The following CFAP77 variants were observed in gnomAD, a reference collection of about 807,000 sequenced individuals.
The protein encoded by CFAP77 is cilia- and flagella-associated protein 77.
A neutral mutation model predicts 31.1 loss-of-function variants in CFAP77; 25 were observed. The ratio of observed to expected loss-of-function variants is 0.80; its 90% CI spans 0.59 to 1.12. The LOEUF (loss-of-function observed/expected upper bound fraction) is 1.12, where lower values mean the gene tolerates loss of function less well. Among genes scored for constraint, CFAP77 ranks in the 50% most tolerant of loss-of-function variants. The probability of loss-of-function intolerance (pLI) is 0.00; values close to 1 mark genes in which losing one functional copy is unlikely to be tolerated. For missense variants in CFAP77, 377 were observed against 397.3 expected (o/e 0.95, Z 0.44); for synonymous variants, 151 against 159.9 (o/e 0.94, Z 0.42).
rs754322592 is a variant in CFAP77 at position 132,531,946 on chromosome 9, T to A, written c.525-5655T>A. 7.3e-4 allele frequency among the ~76,000 whole-genome samples: 111 copies of A among 152,310 alleles called. 1 individual carries two copies. The highest frequency in any genetic ancestry group is 1.6e-3 in the Admixed American group (24 of 15,298). On this transcript the variant is annotated intron_variant, in intron 3 of 5. Transcript: ENST00000393216. ...TGGTGGCGATGGATGTACCGGGGAC[T>A]GCTGAGAAGAGAGCTTTTCTGTTGT...
chr9:132,430,949 A>G (rs1460302566), intron 1 of CFAP77, among the ~76,000 whole-genome samples: 2 of 152,242 alleles, frequency 1.3e-5, no homozygotes, highest in Non-Finnish European at 2.9e-5. Context: ...AGGCCAGGCT[A>G]TAGTCAGTGC....
At chr9:132,519,620 T>G (rs910746554) in intron 3 of CFAP77, among the ~76,000 whole-genome samples, 681 of 24,540 alleles carry the variant, frequency 0.028, 7 homozygotes, top group African/African-American at 0.074. Flanking sequence ...GGATGGATGG[T>G]TGGGTGGGTA....
intron 3 of CFAP77, among the ~76,000 whole-genome samples, chr9:132,518,764 G>A (rs538223283): frequency 6.6e-6 from 1 of 152,320 alleles, no homozygotes; most frequent in Non-Finnish European, 1.5e-5. Context: ...AAGCCTCAGA[G>A]GAGATGTCCC....
At chr9:132,512,208 A>G (rs1764628018) in intron 3 of CFAP77, among the ~76,000 whole-genome samples, 1 of 152,076 alleles carries the variant, frequency 6.6e-6, no homozygotes, top group South Asian at 2.1e-4. Context: ...GTTCCTTGGC[A>G]TCCCTTCAGC....
intron 1 of CFAP77, among the ~76,000 whole-genome samples, chr9:132,491,152 G>A (rs77065891): frequency 0.019 from 2,835 of 152,192 alleles, 38 homozygotes; most frequent in Non-Finnish European, 0.028. Context: ...ATGAATGAAC[G>A]AATGAGTACA....
intron 5 of CFAP77, among the ~76,000 whole-genome samples, chr9:132,556,219 C>T (rs1055373233): frequency 6.6e-6 from 1 of 152,156 alleles, no homozygotes; most frequent in Non-Finnish European, 1.5e-5. Flanking sequence ...GGGCCTCCGT[C>T]GACACAGTCC....
At position 132,459,605 on chromosome 9, in the gene CFAP77, ATATG is replaced by A. The variant is rs555205588; in HGVS notation, c.196-39088_196-39085del. Among the ~76,000 whole-genome samples, 25 of 146,054 alleles carry A rather than the reference ATATG, an allele frequency of 1.7e-4. 1 individual carries two copies. The South Asian group carries it at 4.8e-3, about 28-fold the overall frequency. On this transcript the variant is annotated intron_variant, in intron 1 of 5. Coordinates refer to ENST00000393216, the MANE Select transcript of CFAP77 (RefSeq NM_001282957.2). ...TGTGTATGTATATATATATGCCTGTATATGTGTGTGTATGTATATGTGTGTATAC... is the reference window on the plus strand; with the variant it reads ...TGTGTATGTATATATATATGCCTGTATGTGTGTATGTATATGTGTGTATAC...
intron 3 of CFAP77, among the ~76,000 whole-genome samples, chr9:132,510,909 T>C (rs1266551850): frequency 6.6e-6 from 1 of 151,978 alleles, no homozygotes; most frequent in Non-Finnish European, 1.5e-5. Flanking sequence ...AGCAACTGAC[T>C]CTCTTATCCC....
chr9:132,413,196 A>G (rs1023225292), intron 1 of CFAP77, among the ~76,000 whole-genome samples: 2 of 152,352 alleles, frequency 1.3e-5, no homozygotes, highest in African/African-American at 2.4e-5. Flanking sequence ...AACAAACTCA[A>G]CAGTGTTATT....
chr9:132,456,416 G>A (rs1033697933), intron 1 of CFAP77, among the ~76,000 whole-genome samples: 1 of 152,122 alleles, frequency 6.6e-6, no homozygotes, highest in South Asian at 2.1e-4. Context: ...TCCCTACGGC[G>A]CCTCCTTGGT....
intron 3 of CFAP77, among the ~76,000 whole-genome samples, chr9:132,536,433 G>A (rs1852546092): frequency 8.0e-6 from 1 of 124,308 alleles, no homozygotes; most frequent in Non-Finnish European, 1.6e-5. Context: ...TTGCTATGTT[G>A]CCCAGGCTGG....
intron 1 of CFAP77, among the ~76,000 whole-genome samples, chr9:132,459,698 GT>G (rs993371170): frequency 2.6e-5 from 4 of 151,226 alleles, no homozygotes; most frequent in African/African-American, 9.8e-5. Flanking sequence ...GTGCATATGT[GT>G]TTGTGTATGT....
intron 1 of CFAP77, among the ~76,000 whole-genome samples, chr9:132,461,717 G>A (rs1416699250): frequency 2.0e-5 from 3 of 152,162 alleles, no homozygotes; most frequent in Non-Finnish European, 2.9e-5. Flanking sequence ...AGGCCTGGCC[G>A]ATGAACGATG....
At position 132,429,453 on chromosome 9, in the gene CFAP77, G is replaced by A. The variant is rs919088764; in HGVS notation, c.195+18987G>A. 2.5e-4 allele frequency among the ~76,000 whole-genome samples: 37 copies of A among 147,804 alleles called. 1 individual carries two copies. Among genetic ancestry groups the A allele is most frequent in the African/African-American group, 9.0e-4 (36 of 39,914 alleles). On this transcript the variant is annotated intron_variant, in intron 1 of 5. Transcript: ENST00000393216. ...CTTGGGAGGCTGAGGCAGGAGAATC[G>A]CTTGAACCCAGGAGGCGGAGGTTGT... is the stretch of plus-strand genomic sequence containing the variant.
At chr9:132,442,978 C>T (rs376300686) in intron 1 of CFAP77, among the ~76,000 whole-genome samples, 8 of 152,112 alleles carry the variant, frequency 5.3e-5, no homozygotes, top group Non-Finnish European at 1.2e-4. Context: ...TTCCATTCCC[C>T]TCTGCCAACC....
intron 5 of CFAP77, among the ~76,000 whole-genome samples, chr9:132,568,615 A>G (rs1471901098): frequency 2.0e-5 from 3 of 152,088 alleles, no homozygotes; most frequent in African/African-American, 4.8e-5. Flanking sequence ...AAATGCTGCT[A>G]AGAGATCAGA....
At chr9:132,485,444 C>T (rs572574957) in intron 1 of CFAP77, among the ~76,000 whole-genome samples, 1 of 152,296 alleles carries the variant, frequency 6.6e-6, no homozygotes, top group East Asian at 1.9e-4. Flanking sequence ...AGCTCATGTT[C>T]TTAATCACAA....
At chr9:132,477,637 G>A (rs1416913927) in intron 1 of CFAP77, among the ~76,000 whole-genome samples, 1 of 152,184 alleles carries the variant, frequency 6.6e-6, no homozygotes, top group African/African-American at 2.4e-5. Context: ...CAGGCTGGGG[G>A]CCTCTTCCAT....
At chr9:132,519,618 GGT>G (rs1491228979) in intron 3 of CFAP77, among the ~76,000 whole-genome samples, 50 of 48,104 alleles carry the variant, frequency 1.0e-3, no homozygotes, top group African/African-American at 2.7e-3. Flanking sequence ...ATGGATGGAT[GGT>G]TGGGTGGGTA....
Sources: gnomAD v4.1 joint callset for allele counts (sites outside exome capture counted in the v4.1 genomes callset) on GRCh38, gnomAD v4.1.1 for gene constraint, MANE v1.5 for transcripts, NCBI Gene and HGNC (gene_info 2026-07-23, HGNC 2026-07-21) for gene names.